The following EYA2 variants were observed in gnomAD, a reference collection of about 807,000 sequenced individuals.
EYA2 encodes EYA transcriptional coactivator and phosphatase 2, also known as protein phosphatase EYA2.
A neutral mutation model predicts 69.2 loss-of-function variants in EYA2; 31 were observed. That is an observed-to-expected ratio of 0.45 (90% confidence interval 0.34 to 0.60). The LOEUF is 0.60. Among genes scored for constraint, EYA2 ranks in the 20% least tolerant of loss-of-function variants. The pLI, the probability that EYA2 is intolerant of heterozygous loss-of-function variation, is 0.02. For missense variants in EYA2, 622 were observed against 701.2 expected (o/e 0.89, Z 1.28); for synonymous variants, 257 against 279.4 (o/e 0.92, Z 0.80).
intron 5 of EYA2, among the ~76,000 whole-genome samples, chr20:47,061,264 C>T (rs184247584): frequency 3.0e-4 from 45 of 152,276 alleles, no homozygotes; most frequent in Non-Finnish European, 4.7e-4. Context: ...TGCTGGCTTA[C>T]GCCTATAATC....
chr20:46,937,174 G>C (rs1250353324), intron 1 of EYA2, among the ~76,000 whole-genome samples: 1 of 152,212 alleles, frequency 6.6e-6, no homozygotes, highest in Non-Finnish European at 1.5e-5. Context: ...AATCTCTGCA[G>C]TTAGGGCATT....
intron 1 of EYA2, among the ~76,000 whole-genome samples, chr20:46,968,928 C>T (rs1979959445): frequency 6.6e-6 from 1 of 152,186 alleles, no homozygotes; most frequent in Admixed American, 6.5e-5. Context: ...TATTACGTAT[C>T]TCATGGGTTA....
At chr20:47,155,490 T>C (rs1276813459) in intron 10 of EYA2, among the ~76,000 whole-genome samples, 5 of 151,902 alleles carry the variant, frequency 3.3e-5, no homozygotes, top group Admixed American at 6.6e-5. Context: ...TCTGTACCCA[T>C]TCATTAACCC....
intron 9 of EYA2, among the ~76,000 whole-genome samples, chr20:47,137,318 C>T (rs2033499618): frequency 6.6e-6 from 1 of 152,170 alleles, no homozygotes; most frequent in South Asian, 2.1e-4. Flanking sequence ...AGAAACGATT[C>T]TTTGCTTAAA....
Position 47,122,085 on chromosome 20 carries a change from T to C in EYA2, c.889-20974T>C, listed in dbSNP as rs527459578. 1.2e-3 allele frequency among the ~76,000 whole-genome samples: 179 copies of C among 152,136 alleles called. 1 individual carries two copies. Among genetic ancestry groups the C allele is most frequent in the African/African-American group, 3.6e-3 (149 of 41,414 alleles). On this transcript the variant is annotated intron_variant, in intron 9 of 15. Transcript: ENST00000327619. Reference sequence around the variant, plus strand: ...TGGTTTCTTTTGAAAAATCAGAAGATCTGGGCATGCTGCACCCACAATCCC... The same window carrying C: ...TGGTTTCTTTTGAAAAATCAGAAGACCTGGGCATGCTGCACCCACAATCCC...
intron 1 of EYA2, among the ~76,000 whole-genome samples, chr20:46,946,027 G>A (rs747873647): frequency 5.9e-5 from 9 of 152,178 alleles, no homozygotes; most frequent in Admixed American, 1.3e-4. Context: ...AGCACTCTTC[G>A]AGGGTCTTGA....
intron 1 of EYA2, among the ~76,000 whole-genome samples, chr20:46,989,059 A>G (rs185684857): frequency 4.5e-4 from 69 of 152,244 alleles, no homozygotes; most frequent in African/African-American, 1.5e-3. Flanking sequence ...AATGTTTTCA[A>G]TTAAAAAATG....
intron 10 of EYA2, among the ~76,000 whole-genome samples, chr20:47,147,151 C>T (rs533703454): frequency 6.7e-5 from 10 of 149,118 alleles, no homozygotes; most frequent in Admixed American, 2.0e-4. Context: ...TGGGTTCAAG[C>T]GATTCTCCTG....
intron 11 of EYA2, among the ~76,000 whole-genome samples, chr20:47,171,388 TTTTTGTTTTGTTTTG>T (rs374620038): frequency 6.6e-6 from 1 of 152,172 alleles, no homozygotes; most frequent in African/African-American, 2.4e-5. Flanking sequence ...CTTGTTTGTT[TTTTTGTTTTGTTTTG>T]TTTTGTTTTG....
intron 1 of EYA2, among the ~76,000 whole-genome samples, chr20:46,954,854 T>A (rs1234846357): frequency 6.6e-6 from 1 of 152,132 alleles, no homozygotes; most frequent in Non-Finnish European, 1.5e-5. Flanking sequence ...GGAAGCTGGG[T>A]TGGTGGTCTG....
At position 47,031,813 on chromosome 20, in the gene EYA2, A is replaced by G. The variant is rs555898971; in HGVS notation, c.415+15516A>G. On this transcript the variant is annotated intron_variant, in intron 5 of 15. Coordinates refer to ENST00000327619, the MANE Select transcript of EYA2 (RefSeq NM_005244.5). ...ATCTCTCTGCCATCTGATCATTGGC[A>G]GGGGCAGGGGTGGGGGAAGGGGAGT... Among the ~76,000 whole-genome samples, 13 of 152,216 alleles carry G rather than the reference A, an allele frequency of 8.5e-5. No individual in the cohort carries two copies. In the South Asian group the frequency reaches 2.7e-3, roughly 32 times the overall value.
At chr20:47,087,900 C>T (rs1338559770) in intron 7 of EYA2, among the ~76,000 whole-genome samples, 2 of 152,246 alleles carry the variant, frequency 1.3e-5, no homozygotes, top group Non-Finnish European at 2.9e-5. Flanking sequence ...AGATTGACAG[C>T]TCTCAGCAGG....
At chr20:47,094,935 G>A (rs1305771202) in intron 8 of EYA2, among the ~76,000 whole-genome samples, 1 of 152,144 alleles carries the variant, frequency 6.6e-6, no homozygotes, top group South Asian at 2.1e-4. Flanking sequence ...AGGAGGCTGA[G>A]GTGGGAGGAT....
rs138739106 is a variant in EYA2 at position 46,991,718 on chromosome 20, C to T, written c.109+1599C>T. The stretch of plus-strand genomic sequence containing the variant: ...GGAGCGGTGGCTCACACCTGTAATC[C>T]CAGCACTTTGGGAGGCCAAGGCAGG... On this transcript the variant is annotated intron_variant, in intron 2 of 15. Coordinates refer to ENST00000327619, the MANE Select transcript of EYA2 (RefSeq NM_005244.5). 4.2e-4 allele frequency among the ~76,000 whole-genome samples: 64 copies of T among 152,204 alleles called. 2 individuals carry two copies. Among genetic ancestry groups the T allele is most frequent in the African/African-American group, 1.4e-3 (59 of 41,514 alleles).
chr20:47,035,092 G>T (rs1028257943), intron 5 of EYA2, among the ~76,000 whole-genome samples: 1 of 152,176 alleles, frequency 6.6e-6, no homozygotes, highest in Non-Finnish European at 1.5e-5. Flanking sequence ...TTCAAGGGAC[G>T]CAACTCTACC....
intron 1 of EYA2, among the ~76,000 whole-genome samples, chr20:46,907,863 CAA>C (rs1375334637): frequency 1.4e-5 from 2 of 147,028 alleles, no homozygotes; most frequent in African/African-American, 4.9e-5. Context: ...AACAAACAAA[CAA>C]AGTGTGCCTG....
intron 9 of EYA2, among the ~76,000 whole-genome samples, chr20:47,116,993 C>CTTTT (rs1416425652): frequency 2.1e-5 from 2 of 95,682 alleles, no homozygotes; most frequent in African/African-American, 9.5e-5. Context: ...CATGCATCTG[C>CTTTT]ATTTTTTTTT....
At chr20:46,944,974 C>T (rs1361860815) in intron 1 of EYA2, among the ~76,000 whole-genome samples, 1 of 151,988 alleles carries the variant, frequency 6.6e-6, no homozygotes, top group East Asian at 1.9e-4. Context: ...CGCGGTGGTG[C>T]CTGCGTGTAG....
intron 1 of EYA2, among the ~76,000 whole-genome samples, chr20:46,965,979 AGCTGGT>A (rs1304199136): frequency 6.6e-6 from 1 of 152,240 alleles, no homozygotes; most frequent in Non-Finnish European, 1.5e-5. Context: ...CTGGAGAGAA[AGCTGGT>A]GCCCATGGCG....
Sources: allele counts gnomAD v4.1 joint callset (sites outside exome capture counted in the v4.1 genomes callset), GRCh38; gene constraint gnomAD v4.1.1; transcripts MANE v1.5; gene names NCBI Gene and HGNC (gene_info 2026-07-23, HGNC 2026-07-21).